RBFOX1: variants seen among roughly 807,000 people sequenced by gnomAD.
The protein encoded by RBFOX1 is RNA binding fox-1 homolog 1.
Under a neutral mutation model 57.7 loss-of-function variants are expected in RBFOX1, and 8 were observed. That is an observed-to-expected ratio of 0.14 (90% CI 0.08 to 0.25). The LOEUF (loss-of-function observed/expected upper bound fraction) is 0.25, where lower values mean the gene tolerates loss of function less well. Ranked by LOEUF, RBFOX1 falls within the 10% of genes least tolerant of loss-of-function variation. The probability of loss-of-function intolerance (pLI) is 1.00; values close to 1 mark genes in which losing one functional copy is unlikely to be tolerated. For synonymous variants in RBFOX1, 326 were observed against 222.4 expected (o/e 1.47, Z -4.15); for missense variants, 611 against 548.5 (o/e 1.11, Z -1.14).
intron 4 of RBFOX1, among the ~76,000 whole-genome samples, chr16:5,908,828 G>A (rs550874787): frequency 9.2e-5 from 14 of 152,128 alleles, no homozygotes; most frequent in Admixed American, 2.6e-4. Context: ...TGGGAGTGGA[G>A]GAACCCATGA....
intron 4 of RBFOX1, among the ~76,000 whole-genome samples, chr16:7,471,267 C>T (rs761476590): frequency 6.6e-6 from 1 of 152,150 alleles, no homozygotes; most frequent in African/African-American, 2.4e-5. Context: ...GGACATTTAG[C>T]TTTAGGCTAT....
chr16:6,341,793 T>C (rs1451028725), intron 2 of RBFOX1, among the ~76,000 whole-genome samples: 2 of 152,178 alleles, frequency 1.3e-5, no homozygotes, highest in East Asian at 1.9e-4. Flanking sequence ...TTGGTTTGCA[T>C]TGTGGGCTCT....
intron 1 of RBFOX1, among the ~76,000 whole-genome samples, chr16:5,462,663 T>G (rs2068828477): frequency 6.6e-6 from 1 of 152,154 alleles, no homozygotes; most frequent in African/African-American, 2.4e-5. Context: ...ATAAATACAT[T>G]ATGATGCATC....
chr16:6,597,337 C>A (rs1601001653), intron 2 of RBFOX1, among the ~76,000 whole-genome samples: 1 of 152,046 alleles, frequency 6.6e-6, no homozygotes, highest in African/African-American at 2.4e-5. Flanking sequence ...TCTCCATTAT[C>A]CATCTGGATA....
intron 2 of RBFOX1, among the ~76,000 whole-genome samples, chr16:6,593,769 G>T (rs2097748245): frequency 1.3e-5 from 2 of 152,172 alleles, no homozygotes; most frequent in African/African-American, 4.8e-5. Flanking sequence ...GGAGAAACTG[G>T]AGAGCAGAAA....
chr16:6,939,908 T>G (rs753579109), intron 3 of RBFOX1, among the ~76,000 whole-genome samples: 8 of 152,208 alleles, frequency 5.3e-5, no homozygotes, highest in Non-Finnish European at 7.3e-5. Context: ...ACTCCATAAA[T>G]GCATAATTTA....
intron 2 of RBFOX1, among the ~76,000 whole-genome samples, chr16:5,553,925 A>G (rs371902596): frequency 3.9e-5 from 6 of 152,000 alleles, no homozygotes; most frequent in African/African-American, 1.4e-4. Context: ...TTGGCAAACA[A>G]CAGACATGTC....
intron 1 of RBFOX1, among the ~76,000 whole-genome samples, chr16:5,305,410 G>A (rs905658627): frequency 6.6e-6 from 1 of 152,086 alleles, no homozygotes; most frequent in African/African-American, 2.4e-5. Context: ...GAGGATGACT[G>A]AGGAGGAGGT....
chr16:6,311,919 G>A (rs1304937726), intron 1 of RBFOX1, among the ~76,000 whole-genome samples: 1 of 152,118 alleles, frequency 6.6e-6, no homozygotes, highest in Non-Finnish European at 1.5e-5. Context: ...AAGCAACCCT[G>A]GGCAGCTTGC....
intron 4 of RBFOX1, among the ~76,000 whole-genome samples, chr16:7,215,650 C>T (rs978962981): frequency 2.6e-5 from 4 of 151,900 alleles, no homozygotes; most frequent in African/African-American, 9.7e-5. Context: ...GGCAGATTAG[C>T]ATTTCTTCCC....
intron 4 of RBFOX1, among the ~76,000 whole-genome samples, chr16:5,898,620 G>A (rs1454227240): frequency 6.6e-6 from 1 of 151,360 alleles, no homozygotes; most frequent in African/African-American, 2.4e-5. Flanking sequence ...GCAGATGAAT[G>A]AATCAAGGCC....
At chr16:5,841,754 C>T (rs1251346780) in intron 3 of RBFOX1, among the ~76,000 whole-genome samples, 1 of 152,230 alleles carries the variant, frequency 6.6e-6, no homozygotes, top group Admixed American at 6.5e-5. Context: ...CCCAGCCCAT[C>T]AACTGAACAG....
chr16:7,074,098 T>C (rs1482469671), intron 4 of RBFOX1, among the ~76,000 whole-genome samples: 1 of 152,210 alleles, frequency 6.6e-6, no homozygotes, highest in Non-Finnish European at 1.5e-5. Flanking sequence ...GAGCCTACAA[T>C]ATTTGTTTTC....
intron 4 of RBFOX1, among the ~76,000 whole-genome samples, chr16:7,160,405 T>C (rs1464961109): frequency 6.6e-6 from 1 of 151,966 alleles, no homozygotes; most frequent in African/African-American, 2.4e-5. Flanking sequence ...TTCATCTTCT[T>C]CCTCCTCCCT....
chr16:5,417,083 C>A (rs1038665617), intron 1 of RBFOX1, among the ~76,000 whole-genome samples: 3 of 152,354 alleles, frequency 2.0e-5, no homozygotes, highest in Non-Finnish European at 2.9e-5. Context: ...CGAAGTCTCA[C>A]AGCCCTTCTT....
At chr16:6,441,619 TG>T (rs1384989458) in intron 2 of RBFOX1, among the ~76,000 whole-genome samples, 1 of 152,140 alleles carries the variant, frequency 6.6e-6, no homozygotes, top group Non-Finnish European at 1.5e-5. Flanking sequence ...GGTTTCGCCA[TG>T]TCATCTAGGC....
chr16:5,255,182 A>G (rs2062553031), intron 1 of RBFOX1, among the ~76,000 whole-genome samples: 1 of 152,150 alleles, frequency 6.6e-6, no homozygotes, highest in Non-Finnish European at 1.5e-5. Flanking sequence ...CATAATCATG[A>G]GTATTACAGA....
chr16:5,804,369 G>C (rs114855525), intron 3 of RBFOX1, among the ~76,000 whole-genome samples: 158 of 152,290 alleles, frequency 1.0e-3, no homozygotes, highest in African/African-American at 3.7e-3. Context: ...TTAGTTTATT[G>C]GTGGTAGTGA....
chr16:7,019,666 A>C (rs1362635346), intron 3 of RBFOX1, among the ~76,000 whole-genome samples: 2 of 152,188 alleles, frequency 1.3e-5, no homozygotes, highest in African/African-American at 4.8e-5. Context: ...TTACTGGGAA[A>C]GGTGTGACTT....
Sources: allele counts gnomAD v4.1 joint callset (sites outside exome capture counted in the v4.1 genomes callset), GRCh38; gene constraint gnomAD v4.1.1; transcripts MANE v1.5; gene names NCBI Gene and HGNC (gene_info 2026-07-23, HGNC 2026-07-21).